ADAMTS17: variants seen among roughly 807,000 people sequenced by gnomAD.
ADAMTS17 encodes A disintegrin and metalloproteinase with thrombospondin motifs 17.
Under a neutral mutation model 141.5 loss-of-function variants are expected in ADAMTS17, and 113 were observed. The ratio of observed to expected loss-of-function variants is 0.80; its 90% CI spans 0.69 to 0.93. The LOEUF (loss-of-function observed/expected upper bound fraction) is 0.93, where lower values mean the gene tolerates loss of function less well. Among genes scored for constraint, ADAMTS17 ranks in the 40% least tolerant of loss-of-function variants. The pLI is 0.00. For missense variants in ADAMTS17, 1,659 were observed against 1,517.9 expected, an observed-to-expected ratio of 1.09 and a Z score of -1.54; for synonymous variants, 768 against 630.6, an observed-to-expected ratio of 1.22 and a Z score of -3.27.
intron 9 of ADAMTS17, among the ~76,000 whole-genome samples, chr15:100,153,452 C>T (rs1403641328): frequency 1.3e-4 from 20 of 151,950 alleles, no homozygotes; most frequent in Admixed American, 1.3e-3. Context: ...ACCAGTCTGG[C>T]CAACATGGGG....
intron 7 of ADAMTS17, among the ~76,000 whole-genome samples, chr15:100,233,396 G>T (rs1056269635): frequency 6.6e-6 from 1 of 151,832 alleles, no homozygotes; most frequent in African/African-American, 2.4e-5. Flanking sequence ...TTTTTAAGAT[G>T]GTCAACAGGA....
At chr15:100,165,444 G>T (rs1419962427) in intron 8 of ADAMTS17, among the ~76,000 whole-genome samples, 2 of 152,202 alleles carry the variant, frequency 1.3e-5, no homozygotes, top group Non-Finnish European at 2.9e-5. Flanking sequence ...GTCCCAATAT[G>T]AACACGCAAT....
intron 4 of ADAMTS17, among the ~76,000 whole-genome samples, chr15:100,263,982 T>A (rs945373497): frequency 6.6e-6 from 1 of 152,238 alleles, no homozygotes; most frequent in East Asian, 1.9e-4. Context: ...ACGCAGTGTT[T>A]GAGCATCTCC....
At chr15:100,278,299 A>T (rs538264591) in intron 4 of ADAMTS17, among the ~76,000 whole-genome samples, 1 of 151,568 alleles carries the variant, frequency 6.6e-6, no homozygotes, top group Non-Finnish European at 1.5e-5. Context: ...TCAGACGGTG[A>T]ATTTCGTATT....
chr15:100,109,051 C>G lies in ADAMTS17; in HGVS notation c.1954G>C (p.Val652Leu). The change falls in exon 14 of 22, where the codon GTC (valine) becomes CTC (leucine). Residue 652 changes from valine (V) to leucine (L), a missense_variant. Val to Leu is a conservative substitution (Grantham distance 32, BLOSUM62 1). Transcript: ENST00000268070. Reference protein sequence around the residue: ...KESPLLVADRVLDGTPCGPYE... With the variant: ...KESPLLVADRLLDGTPCGPYE... ...GGCCCGCAGGGTGTACCGTCCAGGA[C>G]CCTGTCGGCCACCAGCAGTGGGGAC... 1.2e-6 allele frequency: 2 copies of G among 1,614,092 alleles called. No homozygotes were observed. The highest frequency in any genetic ancestry group is 1.7e-6 in the Non-Finnish European group (2 of 1,180,048).
intron 4 of ADAMTS17, among the ~76,000 whole-genome samples, chr15:100,272,359 T>C (rs1363199265): frequency 6.6e-6 from 1 of 152,154 alleles, no homozygotes; most frequent in Non-Finnish European, 1.5e-5. Flanking sequence ...TTATGTCTTC[T>C]TTAATTTCCT....
At chr15:100,201,461 T>C (rs117626377) in intron 7 of ADAMTS17, among the ~76,000 whole-genome samples, 10,211 of 152,250 alleles carry the variant, frequency 0.067, 530 homozygotes, top group South Asian at 0.21. Context: ...CTTTCCTTTA[T>C]AAACTACCCA....
rs982376235 is a variant in ADAMTS17 at position 100,195,035 on chromosome 15, C to T, written c.1181+4283G>A. Among the ~76,000 whole-genome samples the T allele has an allele frequency of 7.9e-5, 12 of 152,382 alleles. No homozygotes were observed. The Middle Eastern group carries it at 0.014, about 173-fold the overall frequency. ...ACACAGCTGCCTTCCTCACACTCAA[C>T]GCTGCCAACATTTCTAATTACTAGC... On this transcript the variant is annotated intron_variant, in intron 8 of 21. Coordinates refer to ENST00000268070, the MANE Select transcript of ADAMTS17 (RefSeq NM_139057.4).
chr15:100,219,719 A>G (rs1389894350), intron 7 of ADAMTS17, among the ~76,000 whole-genome samples: 1 of 152,232 alleles, frequency 6.6e-6, no homozygotes, highest in Non-Finnish European at 1.5e-5. Context: ...GCAGGAAAGA[A>G]TAATTCTGAC....
chr15:99,984,672 T>C (rs1266749936), intron 20 of ADAMTS17, among the ~76,000 whole-genome samples: 1 of 152,226 alleles, frequency 6.6e-6, no homozygotes, highest in Non-Finnish European at 1.5e-5. Context: ...TGATGGCGGA[T>C]GATGCCCACA....
chr15:100,025,413 TC>T (rs1244454490), intron 18 of ADAMTS17, among the ~76,000 whole-genome samples: 1 of 145,194 alleles, frequency 6.9e-6, no homozygotes, highest in African/African-American at 2.8e-5. Context: ...TCTTTTCTTT[TC>T]TTTTTTTTTT....
chr15:100,168,043 A>C (rs1321419320), intron 8 of ADAMTS17, among the ~76,000 whole-genome samples: 2 of 152,202 alleles, frequency 1.3e-5, no homozygotes, highest in African/African-American at 2.4e-5. Flanking sequence ...CGCAGGACGA[A>C]CAAGGCGGGT....
intron 10 of ADAMTS17, among the ~76,000 whole-genome samples, chr15:100,144,081 A>T (rs897098409): frequency 1.3e-5 from 2 of 152,232 alleles, no homozygotes; most frequent in Admixed American, 6.5e-5. Context: ...AAAACAATTA[A>T]ACTGGAAGTG....
intron 18 of ADAMTS17, among the ~76,000 whole-genome samples, chr15:100,038,282 C>T (rs1008324939): frequency 1.3e-5 from 2 of 152,164 alleles, no homozygotes; most frequent in African/African-American, 4.8e-5. Context: ...TTACAGTAAG[C>T]TTTGAAATTG....
intron 4 of ADAMTS17, among the ~76,000 whole-genome samples, chr15:100,265,334 T>A (rs370034430): frequency 2.0e-5 from 3 of 152,322 alleles, no homozygotes; most frequent in East Asian, 3.9e-4. Context: ...TGGAAACTCA[T>A]GCTCAGGAGA....
intron 8 of ADAMTS17, among the ~76,000 whole-genome samples, chr15:100,173,644 T>A (rs1419393255): frequency 1.3e-5 from 2 of 152,272 alleles, no homozygotes; most frequent in African/African-American, 4.8e-5. Flanking sequence ...ACCTCTCTCT[T>A]ATTCACTGGA....
intron 15 of ADAMTS17, among the ~76,000 whole-genome samples, chr15:100,096,013 T>C (rs1450350707): frequency 6.6e-6 from 1 of 152,150 alleles, no homozygotes; most frequent in East Asian, 1.9e-4. Context: ...GGTAAAATGA[T>C]TTGGCAGGTG....
intron 18 of ADAMTS17, among the ~76,000 whole-genome samples, chr15:100,015,543 C>A (rs1567678328): frequency 6.6e-6 from 1 of 152,064 alleles, no homozygotes; most frequent in Admixed American, 6.6e-5. Flanking sequence ...TTTGAGCAGT[C>A]CTTGTAGTGG....
At chr15:100,205,061 A>G (rs1056859609) in intron 7 of ADAMTS17, among the ~76,000 whole-genome samples, 3 of 152,136 alleles carry the variant, frequency 2.0e-5, no homozygotes, top group Non-Finnish European at 4.4e-5. Flanking sequence ...AGGAAAGGCT[A>G]CATATTCTTG....
Sources: gnomAD v4.1 joint callset for allele counts (sites outside exome capture counted in the v4.1 genomes callset) on GRCh38, gnomAD v4.1.1 for gene constraint, MANE v1.5 for transcripts, NCBI Gene and HGNC (gene_info 2026-07-23, HGNC 2026-07-21) for gene names.